Variants in ATXN10 observed in about 807,000 individuals in gnomAD.
The protein encoded by ATXN10 is ataxin-10.
In ATXN10, 28 loss-of-function variants were observed where a neutral mutation model predicts 52.9. The ratio of observed to expected loss-of-function variants is 0.53; its 90% CI spans 0.39 to 0.73. ATXN10 has a LOEUF of 0.73. Ranked by LOEUF, ATXN10 falls within the 30% of genes least tolerant of loss-of-function variation. ATXN10 has a pLI of 0.00. For synonymous variants in ATXN10, 226 were observed against 221.5 expected, an observed-to-expected ratio of 1.02 and a Z score of -0.18; for missense variants, 565 against 577.0, an observed-to-expected ratio of 0.98 and a Z score of 0.21.
chr22:45,767,157 A>G (rs142279635), intron 9 of ATXN10, among the ~76,000 whole-genome samples: 1 of 152,328 alleles, frequency 6.6e-6, no homozygotes, highest in African/African-American at 2.4e-5. Context: ...CATTAATTGC[A>G]ACATTATTTC....
At chr22:45,687,059 T>A (rs572878020) in intron 1 of ATXN10, among the ~76,000 whole-genome samples, 1 of 152,326 alleles carries the variant, frequency 6.6e-6, no homozygotes, top group African/African-American at 2.4e-5. Flanking sequence ...GATGCTGTCA[T>A]GATTACTCTT....
chr22:45,786,426 T>A lies in ATXN10; in HGVS notation c.1174-20533T>A, dbSNP rs1482967948. Among the ~76,000 whole-genome samples, 1 of 152,220 alleles carries A rather than the reference T, an allele frequency of 6.6e-6. No individual in the cohort carries two copies. Among genetic ancestry groups the A allele is most frequent in the East Asian group, 1.9e-4 (1 of 5,192 alleles). On this transcript the variant is annotated intron_variant, in intron 9 of 11. Coordinates refer to ENST00000252934, the MANE Select transcript of ATXN10 (RefSeq NM_013236.4). This position sits in a 1 kb window ranked among gnomAD's most constrained non-coding sequence, Gnocchi z 4.1. ...CAGTCTCTGACATTCTCGGCCTCAC[T>A]GTGTTCCCGTGTGGCCACTGAGGCC...
At chr22:45,737,475 T>C (rs1925340721) in intron 7 of ATXN10, among the ~76,000 whole-genome samples, 1 of 152,188 alleles carries the variant, frequency 6.6e-6, no homozygotes, top group Admixed American at 6.5e-5. Context: ...ACTTCTAATC[T>C]AGATTTTCCC....
rs1174023354 is a variant in ATXN10, at chr22:45,825,091, A to G, written c.1238-17900A>G. Among the ~76,000 whole-genome samples the G allele has an allele frequency of 6.6e-6, 1 of 152,238 alleles. No homozygotes were observed. Among genetic ancestry groups the G allele is most frequent in the Non-Finnish European group, 1.5e-5 (1 of 68,034 alleles). ...AGCTGCTGTACACTGTTCCTAGAGCATCTTGCAAGCAGCTTGTGGGAGCCA... is the reference window on the plus strand; with the variant it reads ...AGCTGCTGTACACTGTTCCTAGAGCGTCTTGCAAGCAGCTTGTGGGAGCCA... On this transcript the variant is annotated intron_variant, in intron 10 of 11. Coordinates refer to ENST00000252934, the MANE Select transcript of ATXN10 (RefSeq NM_013236.4). The surrounding 1 kb of genome is among the most constrained non-coding windows in gnomAD (Gnocchi z 4.5).
intron 7 of ATXN10, among the ~76,000 whole-genome samples, chr22:45,730,358 A>C (rs527443019): frequency 6.6e-6 from 1 of 152,030 alleles, no homozygotes; most frequent in East Asian, 1.9e-4. Context: ...AAAAAAAAAA[A>C]AAAAAGCCAA....
intron 5 of ATXN10, among the ~76,000 whole-genome samples, chr22:45,713,880 A>G (rs1389560633): frequency 6.6e-6 from 1 of 152,128 alleles, no homozygotes; most frequent in Non-Finnish European, 1.5e-5. Flanking sequence ...GATTTATTTC[A>G]TCAGTCTCTT....
At chr22:45,709,409 G>A (rs2146762874) in intron 5 of ATXN10, among the ~76,000 whole-genome samples, 1 of 152,300 alleles carries the variant, frequency 6.6e-6, no homozygotes, top group Non-Finnish European at 1.5e-5. Flanking sequence ...ATTGGCTTAT[G>A]CAACTGAAAA....
chr22:45,833,162 C>T lies in ATXN10; in HGVS notation c.1238-9829C>T, dbSNP rs968252884. Among the ~76,000 whole-genome samples the T allele has an allele frequency of 6.6e-6, 1 of 152,206 alleles. No individual in the cohort carries two copies. The highest frequency in any genetic ancestry group is 1.5e-5 in the Non-Finnish European group (1 of 68,042). On this transcript the variant is annotated intron_variant, in intron 10 of 11. Coordinates refer to ENST00000252934, the MANE Select transcript of ATXN10 (RefSeq NM_013236.4). The surrounding 1 kb of genome is among the most constrained non-coding windows in gnomAD (Gnocchi z 4.3). ...ATGAAATGAGAACCTCTCTCCTGTG[C>T]TGACTTTGCAGCATCATAGAGTCCT...
chr22:45,812,534 C>T (rs1037885167), intron 10 of ATXN10, among the ~76,000 whole-genome samples: 5 of 152,028 alleles, frequency 3.3e-5, no homozygotes, highest in African/African-American at 7.3e-5. Context: ...TTCTTTGACT[C>T]GGGTAAATTA....
At chr22:45,794,052 G>T (rs1158628421) in intron 9 of ATXN10, among the ~76,000 whole-genome samples, 2 of 152,174 alleles carry the variant, frequency 1.3e-5, no homozygotes, top group Admixed American at 6.5e-5. Flanking sequence ...GAAAAGGGTG[G>T]CAACTCTTAA....
At chr22:45,735,108 A>C (rs1256875374) in intron 7 of ATXN10, among the ~76,000 whole-genome samples, 1 of 151,836 alleles carries the variant, frequency 6.6e-6, no homozygotes, top group Non-Finnish European at 1.5e-5. Context: ...TGAACTCCCG[A>C]CTTTGGGTGA....
At chr22:45,793,501 C>T in intron 9 of ATXN10, 1 of 1,119,966 alleles carries the variant, frequency 8.9e-7, no homozygotes, top group Non-Finnish European at 1.1e-6. Flanking sequence ...GCTCCTTCTG[C>T]TATTCTGAAT....
chr22:45,835,417 G>A lies in ATXN10; in HGVS notation c.1238-7574G>A, dbSNP rs1042019017. ...AAGTGTGAGCCTTGTACAGAGAGAGGTTTCAGGCTTCAGAGAGGAGGCCTG... is the reference window on the plus strand; with the variant it reads ...AAGTGTGAGCCTTGTACAGAGAGAGATTTCAGGCTTCAGAGAGGAGGCCTG... On this transcript the variant is annotated intron_variant, in intron 10 of 11. Coordinates refer to ENST00000252934, the MANE Select transcript of ATXN10 (RefSeq NM_013236.4). The surrounding 1 kb of genome is among the most constrained non-coding windows in gnomAD (Gnocchi z 5.0). 6.6e-6 allele frequency among the ~76,000 whole-genome samples: 1 copy of A among 152,200 alleles called. No homozygotes were observed. The highest frequency in any genetic ancestry group is 1.5e-5 in the Non-Finnish European group (1 of 68,048).
At position 45,823,295 on chromosome 22, in the gene ATXN10, C is replaced by G. The variant is rs1164589640; in HGVS notation, c.1237+16273C>G. 1 of 441,770 alleles carries G rather than the reference C, an allele frequency of 2.3e-6. No homozygotes were observed. The highest frequency in any genetic ancestry group is 4.7e-6 in the Non-Finnish European group (1 of 214,614). The allele number at this position is 441,770 out of a possible 1,614,324, so 27.4% of individuals were successfully genotyped here. ...ATGTAAAATTTATCAGTCTTTCCTT[C>G]TATGTTTAGTGATTTTTGTGTCTCT... On this transcript the variant is annotated intron_variant, in intron 10 of 11. Coordinates refer to ENST00000252934, the MANE Select transcript of ATXN10 (RefSeq NM_013236.4). This position sits in a 1 kb window ranked among gnomAD's most constrained non-coding sequence, Gnocchi z 4.9.
intron 1 of ATXN10, chr22:45,674,765 A>G (rs547792116): frequency 6.6e-6 from 1 of 152,366 alleles, no homozygotes; most frequent in African/African-American, 2.4e-5. Context: ...AAAGTAATTA[A>G]GAGATTCTTC....
rs1338690952 is a variant in ATXN10 at position 45,823,143 on chromosome 22, A to C, written c.1237+16121A>C. ...ATGTATGTACGCATCACCCAGATGG[A>C]AATACAGAACATGCCCATCTCCCTA... On this transcript the variant is annotated intron_variant, in intron 10 of 11. Coordinates refer to ENST00000252934, the MANE Select transcript of ATXN10 (RefSeq NM_013236.4). This position sits in a 1 kb window ranked among gnomAD's most constrained non-coding sequence, Gnocchi z 4.9. The C allele has an allele frequency of 8.5e-6, 4 of 471,682 alleles. No homozygotes were observed. The highest frequency in any genetic ancestry group is 1.8e-5 in the Non-Finnish European group (4 of 227,194). 29.2% of individuals were successfully genotyped at this position (471,682 alleles called of 1,614,324 possible). A position where few individuals can be genotyped will look rare whatever the true frequency, so the allele number is the denominator to read the frequency against.
At position 45,842,005 on chromosome 22, in the gene ATXN10, G is replaced by A. The variant is rs571947764; in HGVS notation, c.1238-986G>A. Among the ~76,000 whole-genome samples, 39 of 152,256 alleles carry A rather than the reference G, an allele frequency of 2.6e-4. No individual in the cohort carries two copies. In the South Asian group the frequency reaches 7.9e-3, roughly 31 times the overall value. On this transcript the variant is annotated intron_variant, in intron 10 of 11. Transcript: ENST00000252934. This position sits in a 1 kb window ranked among gnomAD's most constrained non-coding sequence, Gnocchi z 4.8. ...GGGGACAGGACTTGTTTGTCTTGCT[G>A]CCTTTATCTGCTCGTGGGCAGGGAG... is the stretch of plus-strand genomic sequence containing the variant.
In ATXN10 at chr22:45,843,989, A is replaced by C; in HGVS notation, c.*318A>C. On this transcript the variant is annotated 3_prime_UTR_variant, in exon 12 of 12. Coordinates refer to ENST00000252934, the MANE Select transcript of ATXN10 (RefSeq NM_013236.4). This position sits in a 1 kb window ranked among gnomAD's most constrained non-coding sequence, Gnocchi z 4.5. ...GGAGGGCACAACCCTTATTTGACAA[A>C]ACTTGGATGTTGGCTTGACTGTGTT... 2.7e-6 allele frequency: 1 copy of C among 364,362 alleles called. No individual in the cohort carries two copies. The highest frequency in any genetic ancestry group is 5.0e-6 in the Non-Finnish European group (1 of 199,856). 22.6% of individuals were successfully genotyped at this position (364,362 alleles called of 1,614,324 possible).
In ATXN10 at chr22:45,789,670, TGTG is replaced by T. The variant is rs769466284; in HGVS notation, c.1174-17273_1174-17271del. On this transcript the variant is annotated intron_variant, in intron 9 of 11. Coordinates refer to ENST00000252934, the MANE Select transcript of ATXN10 (RefSeq NM_013236.4). The surrounding 1 kb of genome is among the most constrained non-coding windows in gnomAD (Gnocchi z 4.0). ...AGCCTTCTAACCCATCCAGCCCCTT[TGTG>T]GTGGTGGTGGTGGTGCACTGATGTG... Among the ~76,000 whole-genome samples the T allele has an allele frequency of 6.6e-6, 1 of 152,060 alleles. No individual in the cohort carries two copies. Among genetic ancestry groups the T allele is most frequent in the Non-Finnish European group, 1.5e-5 (1 of 68,002 alleles).
Sources: allele counts gnomAD v4.1 joint callset (sites outside exome capture counted in the v4.1 genomes callset), GRCh38; gene constraint gnomAD v4.1.1; non-coding constraint Gnocchi (gnomAD v3.1); transcripts MANE v1.5; gene names NCBI Gene and HGNC (gene_info 2026-07-23, HGNC 2026-07-21).